PLXDC2: variants seen among roughly 807,000 people sequenced by gnomAD.
The protein encoded by PLXDC2 is plexin domain-containing protein 2.
In PLXDC2, 40 loss-of-function variants were observed where a neutral mutation model predicts 68.9. That is an observed-to-expected ratio of 0.58 (90% CI 0.45 to 0.76). The LOEUF is 0.76. PLXDC2 is among the 30% of genes least tolerant of loss of function. PLXDC2 has a pLI of 0.00. For synonymous variants in PLXDC2, 243 were observed against 234.2 expected (o/e 1.04, Z -0.34); for missense variants, 644 against 661.9 (o/e 0.97, Z 0.30).
chr10:20,147,312 A>G (rs942676992), intron 5 of PLXDC2, among the ~76,000 whole-genome samples: 3 of 152,020 alleles, frequency 2.0e-5, no homozygotes, highest in African/African-American at 7.2e-5. Context: ...TGTTAAAGGA[A>G]CTCCTTCAAT....
intron 1 of PLXDC2, among the ~76,000 whole-genome samples, chr10:20,000,374 C>T (rs1180615710): frequency 6.6e-6 from 1 of 151,084 alleles, no homozygotes; most frequent in Non-Finnish European, 1.5e-5. Flanking sequence ...GGAGTTTTGG[C>T]TACTTTGGTC....
chr10:19,881,968 A>C (rs1837735846), intron 1 of PLXDC2, among the ~76,000 whole-genome samples: 1 of 152,212 alleles, frequency 6.6e-6, no homozygotes, highest in Admixed American at 6.5e-5. Flanking sequence ...TTCTTCATGC[A>C]GTCATCTTAC....
At chr10:20,267,580 A>G (rs1384525568) in intron 13 of PLXDC2, among the ~76,000 whole-genome samples, 5 of 152,138 alleles carry the variant, frequency 3.3e-5, no homozygotes, top group Non-Finnish European at 7.4e-5. Flanking sequence ...TAAAAGTGCT[A>G]TTTTAAACAC....
At chr10:19,997,072 G>A (rs1218603944) in intron 1 of PLXDC2, among the ~76,000 whole-genome samples, 1 of 152,146 alleles carries the variant, frequency 6.6e-6, no homozygotes, top group African/African-American at 2.4e-5. Flanking sequence ...AGACACAAAA[G>A]TCTTCCTCAG....
intron 4 of PLXDC2, among the ~76,000 whole-genome samples, chr10:20,107,675 C>T (rs975114924): frequency 1.3e-5 from 2 of 152,230 alleles, no homozygotes; most frequent in Non-Finnish European, 2.9e-5. Flanking sequence ...CACCAGTCTT[C>T]CTGACATACG....
At chr10:19,972,658 G>A (rs1834375217) in intron 1 of PLXDC2, among the ~76,000 whole-genome samples, 1 of 152,202 alleles carries the variant, frequency 6.6e-6, no homozygotes, top group Admixed American at 6.5e-5. Flanking sequence ...GAAAAAAAAT[G>A]ATGTATCTGG....
chr10:20,275,396 G>A (rs987033039), intron 13 of PLXDC2, among the ~76,000 whole-genome samples: 4 of 152,242 alleles, frequency 2.6e-5, no homozygotes, highest in South Asian at 2.1e-4. Context: ...CTTGTGATTC[G>A]TGTGGCCAGG....
intron 2 of PLXDC2, among the ~76,000 whole-genome samples, chr10:20,014,820 C>A (rs867148949): frequency 7.9e-5 from 12 of 152,220 alleles, no homozygotes; most frequent in Middle Eastern, 3.4e-3. Context: ...ATTCTGCACA[C>A]AATCACAAAA....
chr10:20,154,784 G>T (rs1834196958), intron 6 of PLXDC2, among the ~76,000 whole-genome samples: 1 of 151,764 alleles, frequency 6.6e-6, no homozygotes, highest in East Asian at 1.9e-4. Flanking sequence ...GCAAACTCGG[G>T]TTCTTTTTTT....
chr10:20,031,253 C>G (rs1417113415), intron 2 of PLXDC2, among the ~76,000 whole-genome samples: 1 of 151,828 alleles, frequency 6.6e-6, no homozygotes, highest in African/African-American at 2.4e-5. Context: ...GCCTGTAGTC[C>G]CAGCTACTCA....
At chr10:19,881,452 C>T (rs1837726210) in intron 1 of PLXDC2, among the ~76,000 whole-genome samples, 1 of 152,018 alleles carries the variant, frequency 6.6e-6, no homozygotes, top group African/African-American at 2.4e-5. Flanking sequence ...TTCACTTTCC[C>T]CCATTGACTC....
At chr10:19,907,759 T>A (rs1473869085) in intron 1 of PLXDC2, among the ~76,000 whole-genome samples, 1 of 152,198 alleles carries the variant, frequency 6.6e-6, no homozygotes, top group Non-Finnish European at 1.5e-5. Context: ...AACCTGTCTA[T>A]TTCCTCGGTT....
chr10:20,225,531 T>A (rs536508797), intron 12 of PLXDC2, among the ~76,000 whole-genome samples: 2 of 152,308 alleles, frequency 1.3e-5, no homozygotes, highest in African/African-American at 4.8e-5. Flanking sequence ...TTTGACTACT[T>A]TTCATGACAG....
intron 1 of PLXDC2, among the ~76,000 whole-genome samples, chr10:19,882,699 T>C (rs920718539): frequency 6.6e-6 from 1 of 152,178 alleles, no homozygotes; most frequent in African/African-American, 2.4e-5. Context: ...AACGAATAGA[T>C]GAGATGTAGA....
At chr10:20,271,130 C>T (rs1835934365) in intron 13 of PLXDC2, among the ~76,000 whole-genome samples, 1 of 94,186 alleles carries the variant, frequency 1.1e-5, no homozygotes, top group South Asian at 4.8e-4. Context: ...AGACAAAAAA[C>T]AGACACACAC....
chr10:20,140,441 C>CAT (rs55757049), intron 4 of PLXDC2, among the ~76,000 whole-genome samples: 12 of 148,740 alleles, frequency 8.1e-5, no homozygotes, highest in African/African-American at 3.0e-4. Context: ...ATCTATCTAT[C>CAT]CGTCTAATCT....
chr10:20,112,040 G>T (rs896522782), intron 4 of PLXDC2, among the ~76,000 whole-genome samples: 1 of 152,080 alleles, frequency 6.6e-6, no homozygotes, highest in Non-Finnish European at 1.5e-5. Context: ...AAGAGTCATT[G>T]TCTCTCCATC....
rs577894619 is a variant in PLXDC2, at chr10:20,285,040, G to A, written c.*5221G>A. ...TATTTTGGCCATTTAAAATTTTTCT[G>A]CCTTTGTTTTATTTCTTCCCAAATA... is the stretch of plus-strand genomic sequence containing the variant. On this transcript the variant is annotated 3_prime_UTR_variant, in exon 14 of 14. Transcript: ENST00000377252. The A allele has an allele frequency of 2.9e-4, 44 of 152,194 alleles. No individual in the cohort carries two copies. The highest frequency in any genetic ancestry group is 1.0e-3 in the African/African-American group (42 of 41,526). 9.4% of individuals were successfully genotyped at this position (152,194 alleles called of 1,614,324 possible).
At chr10:20,258,616 C>G (rs1312304394) in intron 13 of PLXDC2, among the ~76,000 whole-genome samples, 1 of 152,064 alleles carries the variant, frequency 6.6e-6, no homozygotes, top group Non-Finnish European at 1.5e-5. Flanking sequence ...TTCACTATAG[C>G]AAAGACTTTG....
Sources: gnomAD v4.1 joint callset for allele counts (sites outside exome capture counted in the v4.1 genomes callset) on GRCh38, gnomAD v4.1.1 for gene constraint, MANE v1.5 for transcripts, NCBI Gene and HGNC (gene_info 2026-07-23, HGNC 2026-07-21) for gene names.